The following AIF1 variants were observed in gnomAD, a reference collection of about 807,000 sequenced individuals.
The protein encoded by AIF1 is interferon gamma responsive transcript.
Under a neutral mutation model 20.6 loss-of-function variants are expected in AIF1, and 21 were observed. That is an observed-to-expected ratio of 1.02 (90% confidence interval 0.72 to 1.47). The LOEUF (loss-of-function observed/expected upper bound fraction) is 1.47, where lower values mean the gene tolerates loss of function less well. Among genes scored for constraint, AIF1 ranks in the 40% most tolerant of loss-of-function variants. The pLI is 0.00. For synonymous variants in AIF1, 52 were observed against 65.8 expected (o/e 0.79, Z 1.01); for missense variants, 161 against 170.5 (o/e 0.94, Z 0.31).
chr6:31,615,454 C>A, intron 1 of AIF1, 67 bp from the exon 2 acceptor site: 2 of 1,613,252 alleles, frequency 1.2e-6, no homozygotes, highest in Non-Finnish European at 1.7e-6. Flanking sequence ...TAGGGTAGCC[C>A]GGGCTGGTGT....
rs1038397741 is a variant in AIF1 at position 31,616,950 on chromosome 6, A to G, written c.*50A>G. ...ATTGAAGGGGCTTCTAATGACCCAG[A>G]TATGGAAACAGAAGACAAAATTGTA... On this transcript the variant is annotated 3_prime_UTR_variant, in exon 6 of 6. Transcript: ENST00000376059. This position sits in a 1 kb window ranked among gnomAD's most constrained non-coding sequence, Gnocchi z 4.0. 3 of 1,608,860 alleles carry G rather than the reference A, an allele frequency of 1.9e-6. No homozygotes were observed. Among genetic ancestry groups the G allele is most frequent in the Non-Finnish European group, 1.7e-6 (2 of 1,177,188 alleles).
Position 31,615,731 on chromosome 6 carries a change from T to G in AIF1, c.149T>G (p.Phe50Cys). Residue 50 changes from phenylalanine (F) to cysteine (C), a missense_variant, in exon 3 of 6, where the codon TTC (phenylalanine) becomes TGC (cysteine). Phe to Cys is a radical substitution (Grantham distance 205). Coordinates refer to ENST00000376059, the MANE Select transcript of AIF1 (RefSeq NM_001623.5). ...DEDLPSKLEG[F>C]KEKYMEFDLN... ...GATCTGCCCTCCAAACTGGAAGGCT[T>G]CAAAGGTGAGGGGGAAACTGTAGGC... The G allele has an allele frequency of 6.2e-7, 1 of 1,608,276 alleles. No homozygotes were observed. The highest frequency in any genetic ancestry group is 8.5e-7 in the Non-Finnish European group (1 of 1,177,270).
rs34451818 is a variant in AIF1 at position 31,616,064 on chromosome 6, C to G, written c.155-40C>G. The G allele has an allele frequency of 0.043, 66,669 of 1,533,342 alleles. 1,923 individuals carry two copies. The highest frequency in any genetic ancestry group is 0.054 in the Non-Finnish European group (61,378 of 1,141,294). The allele number at this position is 1,533,342 out of a possible 1,614,324, so 95.0% of individuals were successfully genotyped here. The stretch of plus-strand genomic sequence containing the variant: ...CCTCAGTCCCCTGCTGAAAACCCTC[C>G]AGTCAGCGCTTATCCCTTCTGCTCT... On this transcript the variant is annotated intron_variant, in intron 3 of 5. Transcript: ENST00000376059. The surrounding 1 kb of genome is among the most constrained non-coding windows in gnomAD (Gnocchi z 4.0).
At position 31,616,088 on chromosome 6, in the gene AIF1, C is replaced by T; in HGVS notation, c.155-16C>T. The T allele has an allele frequency of 6.4e-7, 1 of 1,567,602 alleles. No individual in the cohort carries two copies. The highest frequency in any genetic ancestry group is 8.7e-7 in the Non-Finnish European group (1 of 1,155,720). On this transcript the variant is annotated splice_polypyrimidine_tract_variant and intron_variant, in intron 3 of 5. Transcript: ENST00000376059. This position sits in a 1 kb window ranked among gnomAD's most constrained non-coding sequence, Gnocchi z 4.0. Reference sequence around the variant, plus strand: ...CCAGTCAGCGCTTATCCCTTCTGCTCTCTCCCCTCACCCAGAGAAATACAT... The same window carrying T: ...CCAGTCAGCGCTTATCCCTTCTGCTTTCTCCCCTCACCCAGAGAAATACAT...
Position 31,616,233 on chromosome 6 carries a change from T to G in AIF1, c.196+88T>G, listed in dbSNP as rs945339274. 2 of 1,613,028 alleles carry G rather than the reference T, an allele frequency of 1.2e-6. No homozygotes were observed. The highest frequency in any genetic ancestry group is 3.3e-5 in the Admixed American group (2 of 59,996). ...CCTACATGCTCCATTCCTCATGATT[T>G]GGGAGGGGGCCCACCTACCACAGTG... On this transcript the variant is annotated intron_variant, in intron 4 of 5. Coordinates refer to ENST00000376059, the MANE Select transcript of AIF1 (RefSeq NM_001623.5). This position sits in a 1 kb window ranked among gnomAD's most constrained non-coding sequence, Gnocchi z 4.0.
In AIF1 at chr6:31,616,202, G is replaced by A. The variant is rs762494888; in HGVS notation, c.196+57G>A. 43 of 1,613,098 alleles carry A rather than the reference G, an allele frequency of 2.7e-5. No individual in the cohort carries two copies. The highest frequency in any genetic ancestry group is 3.6e-5 in the Non-Finnish European group (42 of 1,179,978). On this transcript the variant is annotated intron_variant, in intron 4 of 5. Coordinates refer to ENST00000376059, the MANE Select transcript of AIF1 (RefSeq NM_001623.5). This position sits in a 1 kb window ranked among gnomAD's most constrained non-coding sequence, Gnocchi z 4.0. ...GGTGTGCAGGCCTAAGAAGACAGAG[G>A]TCTCTCCTACATGCTCCATTCCTCA...
rs1583148873 is a variant in AIF1, at chr6:31,616,088, C to G, written c.155-16C>G. The G allele has an allele frequency of 6.4e-7, 1 of 1,567,602 alleles. No individual in the cohort carries two copies. ...CCAGTCAGCGCTTATCCCTTCTGCT[C>G]TCTCCCCTCACCCAGAGAAATACAT... is the stretch of plus-strand genomic sequence containing the variant. On this transcript the variant is annotated splice_polypyrimidine_tract_variant and intron_variant, in intron 3 of 5. Transcript: ENST00000376059. This position sits in a 1 kb window ranked among gnomAD's most constrained non-coding sequence, Gnocchi z 4.0.
chr6:31,616,004 G>C lies in AIF1; in HGVS notation c.155-100G>C, dbSNP rs1656140129. On this transcript the variant is annotated intron_variant, in intron 3 of 5. Transcript: ENST00000376059. This position sits in a 1 kb window ranked among gnomAD's most constrained non-coding sequence, Gnocchi z 4.0. The stretch of plus-strand genomic sequence containing the variant: ...CTGCCCCTCCTCCTCCTTCCACGTT[G>C]TCTCCTCCACCTAGCAGTTGGTTGG... 1 of 1,520,536 alleles carries C rather than the reference G, an allele frequency of 6.6e-7. No individual in the cohort carries two copies. The highest frequency in any genetic ancestry group is 2.2e-5 in the Admixed American group (1 of 44,604). The allele number at this position is 1,520,536 out of a possible 1,614,324, so 94.2% of individuals were successfully genotyped here.
At chr6:31,615,645 C>G in intron 2 of AIF1, 25 bp from the exon 3 acceptor site, 1 of 1,613,118 alleles carries the variant, frequency 6.2e-7, no homozygotes, top group Non-Finnish European at 8.5e-7. Flanking sequence ...AGGGCCTACC[C>G]TGGCTCTTAT....
Position 31,616,763 on chromosome 6 carries a change from T to G in AIF1, c.360-53T>G. The G allele has an allele frequency of 1.2e-6, 2 of 1,613,296 alleles. No homozygotes were observed. Among genetic ancestry groups the G allele is most frequent in the Non-Finnish European group, 1.7e-6 (2 of 1,179,564 alleles). The stretch of plus-strand genomic sequence containing the variant: ...GCCTTTCCTAGCACCCTATGATTTA[T>G]TCCCTTGAGAGGAGTGTTCCCTGAT... On this transcript the variant is annotated intron_variant, in intron 5 of 5. Transcript: ENST00000376059. This position sits in a 1 kb window ranked among gnomAD's most constrained non-coding sequence, Gnocchi z 4.0.
chr6:31,615,235 G>A lies in AIF1; in HGVS notation c.-95G>A, dbSNP rs768865769. On this transcript the variant is annotated 5_prime_UTR_variant, in exon 1 of 6. Coordinates refer to ENST00000376059, the MANE Select transcript of AIF1 (RefSeq NM_001623.5). The stretch of plus-strand genomic sequence containing the variant: ...GGGGAAAGGGGAAGTTTGGGAGGAA[G>A]GCTTCTGAGAAGACTGGTGGGAGAG... The A allele has an allele frequency of 6.2e-7, 1 of 1,602,616 alleles. No homozygotes were observed. The highest frequency in any genetic ancestry group is 1.3e-5 in the African/African-American group (1 of 74,740).
In AIF1 at chr6:31,616,832, G is replaced by C. The variant is rs753881781; in HGVS notation, c.376G>C (p.Glu126Gln). The part of the protein sequence containing the change: ...AILKMILMYE[E>Q]KAREKEKPTG... ...CTCAACCAGGATCCTGATGTATGAG[G>C]AAAAAGCGAGAGAAAAGGAAAAGCC... Residue 126 changes from glutamate (E) to glutamine (Q), a missense_variant, in exon 6 of 6, where the codon GAA (glutamate) becomes CAA (glutamine). Coordinates refer to ENST00000376059, the MANE Select transcript of AIF1 (RefSeq NM_001623.5). The surrounding 1 kb of genome is among the most constrained non-coding windows in gnomAD (Gnocchi z 4.0). 3 of 1,614,072 alleles carry C rather than the reference G, an allele frequency of 1.9e-6. No homozygotes were observed. Among genetic ancestry groups the C allele is most frequent in the Non-Finnish European group, 2.5e-6 (3 of 1,180,000 alleles).
At position 31,616,262 on chromosome 6, in the gene AIF1, G is replaced by A; in HGVS notation, c.197-82G>A. 1 of 1,613,004 alleles carries A rather than the reference G, an allele frequency of 6.2e-7. No homozygotes were observed. Among genetic ancestry groups the A allele is most frequent in the Non-Finnish European group, 8.5e-7 (1 of 1,179,972 alleles). On this transcript the variant is annotated intron_variant, in intron 4 of 5. Coordinates refer to ENST00000376059, the MANE Select transcript of AIF1 (RefSeq NM_001623.5). The surrounding 1 kb of genome is among the most constrained non-coding windows in gnomAD (Gnocchi z 4.0). ...AGGGGGCCCACCTACCACAGTGGGA[G>A]GAAGGAGAATGGGGATGCGGAAGTG...
chr6:31,615,460 G>A (rs377435199), intron 1 of AIF1, 61 bp from the exon 2 acceptor site: 6 of 1,613,520 alleles, frequency 3.7e-6, no homozygotes, highest in Non-Finnish European at 5.1e-6. Flanking sequence ...AGCCCGGGCT[G>A]GTGTCAGGGT....
In AIF1 at chr6:31,616,415, A is replaced by C. The variant is rs191730224; in HGVS notation, c.268A>C (p.Ile90Leu). 91 of 1,613,076 alleles carry C rather than the reference A, an allele frequency of 5.6e-5. No homozygotes were observed. In the Admixed American group the frequency reaches 1.5e-3, roughly 27 times the overall value. The part of the protein sequence containing the change: ...PKTHLELKKL[I>L]GEVSSGSGET... ...GACTCACCTAGAGCTAAAGAAATTA[A>C]TTGGAGAGGTGTCCAGTGGCTCCGG... The change falls in exon 5 of 6, where the codon ATT (isoleucine) becomes CTT (leucine). Residue 90 changes from isoleucine (I) to leucine (L), a missense_variant. By Grantham distance (5) the Ile-to-Leu change is conservative. Transcript: ENST00000376059. This position sits in a 1 kb window ranked among gnomAD's most constrained non-coding sequence, Gnocchi z 4.0.
At position 31,616,447 on chromosome 6, in the gene AIF1, G is replaced by C; in HGVS notation, c.300G>C (p.Thr100=). The change falls in exon 5 of 6, where the codon ACG becomes ACC. Residue 100 remains threonine, a synonymous_variant. Transcript: ENST00000376059. This position sits in a 1 kb window ranked among gnomAD's most constrained non-coding sequence, Gnocchi z 4.0. The part of the protein sequence containing the change: ...IGEVSSGSGE[T]FSYPDFLRMM... ...AGGTGTCCAGTGGCTCCGGGGAGAC[G>C]TTCAGCTACCCTGACTTTCTCAGGA... The C allele has an allele frequency of 1.2e-6, 2 of 1,612,986 alleles. No homozygotes were observed. The highest frequency in any genetic ancestry group is 1.1e-5 in the South Asian group (1 of 91,072).
Position 31,615,747 on chromosome 6 carries a change from A to G in AIF1, c.154+11A>G. On this transcript the variant is annotated intron_variant, in intron 3 of 5. Transcript: ENST00000376059. ...TGGAAGGCTTCAAAGGTGAGGGGGAAACTGTAGGCGGTGGAGACAGGGCTG... is the reference window on the plus strand; with the variant it reads ...TGGAAGGCTTCAAAGGTGAGGGGGAGACTGTAGGCGGTGGAGACAGGGCTG... The G allele has an allele frequency of 6.2e-7, 1 of 1,604,580 alleles. No individual in the cohort carries two copies. Among genetic ancestry groups the G allele is most frequent in the Non-Finnish European group, 8.5e-7 (1 of 1,175,206 alleles).
rs769672481 is a variant in AIF1 at position 31,616,371 on chromosome 6, A to G, written c.224A>G (p.Glu75Gly). The change falls in exon 5 of 6, where the codon GAG becomes GGG. Residue 75 changes from glutamate (E) to glycine (G), a missense_variant. By Grantham distance (98) the Glu-to-Gly change is moderately conservative. Coordinates refer to ENST00000376059, the MANE Select transcript of AIF1 (RefSeq NM_001623.5). The surrounding 1 kb of genome is among the most constrained non-coding windows in gnomAD (Gnocchi z 4.0). Reference protein sequence around the residue: ...IDIMSLKRMLEKLGVPKTHLE... With the variant: ...IDIMSLKRMLGKLGVPKTHLE... ...ATCATGTCCCTGAAACGAATGCTGG[A>G]GAAACTTGGAGTCCCCAAGACTCAC... The G allele has an allele frequency of 6.2e-7, 1 of 1,612,886 alleles. No homozygotes were observed. Among genetic ancestry groups the G allele is most frequent in the South Asian group, 1.1e-5 (1 of 91,072 alleles).
chr6:31,615,326 A>G lies in AIF1; in HGVS notation c.-4A>G, dbSNP rs745536091. The G allele has an allele frequency of 6.3e-7, 1 of 1,586,874 alleles. No individual in the cohort carries two copies. The highest frequency in any genetic ancestry group is 8.6e-7 in the Non-Finnish European group (1 of 1,162,590). ...TCCCCACCTCTACCAGCATCTGCTG[A>G]GCTATGAGCCAAACCAGGGATTTAC... On this transcript the variant is annotated 5_prime_UTR_variant, in exon 1 of 6. Transcript: ENST00000376059.
Sources: allele counts gnomAD v4.1 joint callset, GRCh38; gene constraint gnomAD v4.1.1; non-coding constraint Gnocchi (gnomAD v3.1); transcripts MANE v1.5; gene names NCBI Gene and HGNC (gene_info 2026-07-23, HGNC 2026-07-21).